THSD4: variants seen among roughly 807,000 people sequenced by gnomAD.
The protein encoded by THSD4 is thrombospondin type 1 domain containing 4, also known as thrombospondin type-1 domain-containing protein 4.
A neutral mutation model predicts 119.0 loss-of-function variants in THSD4; 69 were observed. The ratio of observed to expected loss-of-function variants is 0.58; its 90% CI spans 0.48 to 0.71. The LOEUF (loss-of-function observed/expected upper bound fraction) is 0.71. THSD4 is among the 30% of genes least tolerant of loss of function. The probability of loss-of-function intolerance (pLI) is 0.00; values close to 1 mark genes in which losing one functional copy is unlikely to be tolerated. For missense variants in THSD4, 1,393 were observed against 1,391.1 expected (o/e 1.00, Z -0.02); for synonymous variants, 524 against 540.4 (o/e 0.97, Z 0.42).
intron 7 of THSD4, among the ~76,000 whole-genome samples, chr15:71,428,851 C>A (rs563919598): frequency 1.3e-5 from 2 of 152,262 alleles, no homozygotes; most frequent in South Asian, 4.1e-4. Context: ...TTATCTTCCC[C>A]CTCTTTTTGA....
intron 1 of THSD4, among the ~76,000 whole-genome samples, chr15:71,131,442 C>T (rs1596214209): frequency 6.8e-6 from 1 of 148,026 alleles, no homozygotes; most frequent in Non-Finnish European, 1.5e-5. Context: ...GCTCGCGGAG[C>T]GAGTCTCACA....
intron 5 of THSD4, among the ~76,000 whole-genome samples, chr15:71,249,324 G>A (rs1186697430): frequency 3.4e-5 from 5 of 145,820 alleles, no homozygotes; most frequent in African/African-American, 2.5e-5. Flanking sequence ...CTTCATATAT[G>A]TATATATACA....
At chr15:71,110,330 T>C (rs1302234215) in intron 1 of THSD4, 1 of 152,246 alleles carries the variant, frequency 6.6e-6, no homozygotes, top group Non-Finnish European at 1.5e-5. Flanking sequence ...GCATTACCTT[T>C]TTTGAAAAAT....
chr15:71,134,439 C>T (rs1430408357), intron 1 of THSD4, among the ~76,000 whole-genome samples: 2 of 152,234 alleles, frequency 1.3e-5, no homozygotes, highest in Non-Finnish European at 2.9e-5. Flanking sequence ...CTTCCTAGGG[C>T]AGTCTAGACA....
intron 7 of THSD4, among the ~76,000 whole-genome samples, chr15:71,625,083 C>T (rs1168665011): frequency 6.6e-6 from 1 of 152,122 alleles, no homozygotes. Flanking sequence ...TCTTAGCTCA[C>T]TGCACCCTTT....
chr15:71,611,226 A>G (rs1366011978), intron 7 of THSD4, among the ~76,000 whole-genome samples: 1 of 152,184 alleles, frequency 6.6e-6, no homozygotes, highest in African/African-American at 2.4e-5. Context: ...CATGGACTCC[A>G]TTTCCCTTGT....
intron 7 of THSD4, among the ~76,000 whole-genome samples, chr15:71,479,365 T>C (rs1276722937): frequency 7.9e-5 from 12 of 152,148 alleles, no homozygotes; most frequent in Non-Finnish European, 8.8e-5. Flanking sequence ...GTTCTTTTAA[T>C]TGGGTAACCT....
At chr15:71,467,469 T>A (rs1441543799) in intron 7 of THSD4, among the ~76,000 whole-genome samples, 1 of 152,182 alleles carries the variant, frequency 6.6e-6, no homozygotes, top group Non-Finnish European at 1.5e-5. Context: ...GAGTGCAATC[T>A]AATGGTGATA....
intron 1 of THSD4, among the ~76,000 whole-genome samples, chr15:71,133,470 T>A (rs1205697355): frequency 6.6e-6 from 1 of 152,098 alleles, no homozygotes. Context: ...AACAAATAAG[T>A]CTTTGAGGAA....
At chr15:71,486,453 T>C (rs1247015667) in intron 7 of THSD4, among the ~76,000 whole-genome samples, 2 of 152,178 alleles carry the variant, frequency 1.3e-5, no homozygotes, top group Non-Finnish European at 2.9e-5. Flanking sequence ...CCCTGGTATA[T>C]AATCAGCTAT....
intron 8 of THSD4, among the ~76,000 whole-genome samples, chr15:71,665,533 T>C (rs1473054700): frequency 1.3e-5 from 2 of 152,252 alleles, no homozygotes; most frequent in Admixed American, 6.5e-5. Context: ...TAGCTTTTGT[T>C]TCAATTGCTT....
chr15:71,493,736 T>C (rs927221952), intron 7 of THSD4, among the ~76,000 whole-genome samples: 5 of 152,224 alleles, frequency 3.3e-5, no homozygotes, highest in Non-Finnish European at 7.3e-5. Flanking sequence ...CAAAGGTTTA[T>C]TGGGCTCACA....
intron 7 of THSD4, among the ~76,000 whole-genome samples, chr15:71,632,070 T>A (rs2050641150): frequency 6.6e-6 from 1 of 152,218 alleles, no homozygotes; most frequent in Admixed American, 6.5e-5. Context: ...ATACCTATCT[T>A]ATAGAGCTGG....
intron 8 of THSD4, among the ~76,000 whole-genome samples, chr15:71,725,783 G>A (rs2102119): frequency 0.54 from 82,580 of 151,942 alleles, 26,691 homozygotes; most frequent in East Asian, 0.81. Flanking sequence ...TGAGAAAATG[G>A]TAGACATTAT....
At chr15:71,262,153 C>T (rs539834441) in intron 6 of THSD4, among the ~76,000 whole-genome samples, 6 of 152,258 alleles carry the variant, frequency 3.9e-5, no homozygotes, top group African/African-American at 1.2e-4. Flanking sequence ...ATAGTAAAAG[C>T]GGAGTATACT....
chr15:71,560,520 T>A (rs992835906), intron 7 of THSD4, among the ~76,000 whole-genome samples: 3 of 152,192 alleles, frequency 2.0e-5, no homozygotes, highest in African/African-American at 7.2e-5. Context: ...AAAGTAGCAT[T>A]TGAGATGGGA....
intron 6 of THSD4, among the ~76,000 whole-genome samples, chr15:71,345,037 G>A (rs1032703533): frequency 5.9e-5 from 9 of 152,016 alleles, no homozygotes; most frequent in African/African-American, 1.4e-4. Context: ...AGAGAAAATC[G>A]GGAGACAAAG....
At chr15:71,342,852 C>G (rs1346196309) in intron 6 of THSD4, 1 of 152,244 alleles carries the variant, frequency 6.6e-6, no homozygotes, top group African/African-American at 2.4e-5. Context: ...TCCTCAGAGA[C>G]AGTCCACAAG....
At chr15:71,381,879 A>G (rs565254974) in intron 6 of THSD4, among the ~76,000 whole-genome samples, 1 of 152,300 alleles carries the variant, frequency 6.6e-6, no homozygotes, top group Non-Finnish European at 1.5e-5. Flanking sequence ...TATAGTTAAC[A>G]TATCAAGTAA....
Sources: allele counts gnomAD v4.1 joint callset (sites outside exome capture counted in the v4.1 genomes callset), GRCh38; gene constraint gnomAD v4.1.1; transcripts MANE v1.5; gene names NCBI Gene and HGNC (gene_info 2026-07-23, HGNC 2026-07-21).